The following MICALL2 variants were observed in gnomAD, a reference collection of about 807,000 sequenced individuals.
The protein encoded by MICALL2 is MICAL like 2.
Under a neutral mutation model 91.1 loss-of-function variants are expected in MICALL2, and 111 were observed. That is an observed-to-expected ratio of 1.22 (90% CI 1.04 to 1.43). The LOEUF is 1.43. Ranked by LOEUF, MICALL2 falls within the 40% of genes most tolerant of loss-of-function variation. The pLI is 0.00. For missense variants in MICALL2, 1,556 were observed against 1,236.0 expected, an observed-to-expected ratio of 1.26 and a Z score of -3.88; for synonymous variants, 694 against 525.3, an observed-to-expected ratio of 1.32 and a Z score of -4.39.
intron 8 of MICALL2, 178 bp downstream of exon 8, chr7:1,440,413 C>G (rs1780224480): frequency 1.5e-6 from 1 of 669,338 alleles, no homozygotes; most frequent in Admixed American, 2.4e-5. Flanking sequence ...CAACGCTGCC[C>G]CCAAACCAGG....
At chr7:1,446,363 G>A (rs112577755) in intron 5 of MICALL2, among the ~76,000 whole-genome samples, 361 of 878 alleles carry the variant, frequency 0.41, 5 homozygotes, top group Middle Eastern at 0.5. Context: ...GGAGGGAGAG[G>A]AGGGGGGAGG....
In MICALL2 at chr7:1,444,754, G is replaced by C. The variant is rs765915317; in HGVS notation, c.1316C>G (p.Pro439Arg). 38 of 1,612,298 alleles carry C rather than the reference G, an allele frequency of 2.4e-5. No individual in the cohort carries two copies. The highest frequency in any genetic ancestry group is 3.1e-5 in the Non-Finnish European group (37 of 1,179,794). ...GCTGTCCTTGGATAGAACAAGTGAC[G>C]GGGTGGGACCTCTGCCAGAAAGGCT... is the stretch of plus-strand genomic sequence containing the variant. ...GTSLSGRGPT[P>R]SLVLSKDSSK... The change falls in exon 6 of 17, where the codon CCG becomes CGG. Residue 439 changes from proline (P) to arginine (R), a missense_variant. By Grantham distance (103) the Pro-to-Arg change is moderately radical. Transcript: ENST00000297508.
Position 1,442,499 on chromosome 7 carries a change from G to A in MICALL2, c.1419-15C>T, listed in dbSNP as rs200951225. Reference sequence around the variant, plus strand: ...CTGGGGAGGGCCTATAAGTAAAAGCGCAGGCATCAGGCACAGCTGGATCCA... The same window carrying A: ...CTGGGGAGGGCCTATAAGTAAAAGCACAGGCATCAGGCACAGCTGGATCCA... On this transcript the variant is annotated splice_polypyrimidine_tract_variant and intron_variant, in intron 6 of 16. Transcript: ENST00000297508. The A allele has an allele frequency of 7.3e-4, 1,104 of 1,519,496 alleles. 2 individuals carry two copies. The highest frequency in any genetic ancestry group is 8.6e-4 in the Non-Finnish European group (978 of 1,134,056). 94.1% of individuals were successfully genotyped at this position (1,519,496 alleles called of 1,614,324 possible). A position where few individuals can be genotyped will look rare whatever the true frequency, so the allele number is the denominator to read the frequency against.
chr7:1,452,491 C>G lies in MICALL2; in HGVS notation c.144-2203G>C, dbSNP rs745809767. 1.3e-5 allele frequency among the ~76,000 whole-genome samples: 2 copies of G among 152,178 alleles called. No individual in the cohort carries two copies. Among genetic ancestry groups the G allele is most frequent in the Non-Finnish European group, 2.9e-5 (2 of 68,024 alleles). ...TGCAGACCTTCCCTAGGGTCACTGA[C>G]CAAAGCGGCCATGTCCCCGGAAAGA... On this transcript the variant is annotated intron_variant, in intron 1 of 16. Coordinates refer to ENST00000297508, the MANE Select transcript of MICALL2 (RefSeq NM_182924.4). This position sits in a 1 kb window ranked among gnomAD's most constrained non-coding sequence, Gnocchi z 6.2.
rs1562453042 is a variant in MICALL2 at position 1,440,855 on chromosome 7, G to C, written c.1712-171C>G. On this transcript the variant is annotated intron_variant, in intron 7 of 16. Coordinates refer to ENST00000297508, the MANE Select transcript of MICALL2 (RefSeq NM_182924.4). ...GAGCACCGGGCAGGGAGTCAGGGGA[G>C]GGGCTCCCAGCTGGCTCTCCTGTGC... 4.9e-6 allele frequency: 3 copies of C among 611,840 alleles called. No homozygotes were observed. In the Admixed American group the frequency reaches 7.5e-5, roughly 15 times the overall value. 37.9% of individuals were successfully genotyped at this position (611,840 alleles called of 1,614,324 possible).
chr7:1,436,493 C>T (rs1451215023), intron 15 of MICALL2, among the ~76,000 whole-genome samples: 1 of 147,040 alleles, frequency 6.8e-6, no homozygotes, highest in African/African-American at 2.6e-5. Context: ...GGACAGGTTG[C>T]AGTGAGCCAA....
chr7:1,434,376 G>A lies in MICALL2; in HGVS notation c.*220C>T, dbSNP rs1171956985. 13 of 667,534 alleles carry A rather than the reference G, an allele frequency of 1.9e-5. No individual in the cohort carries two copies. The highest frequency in any genetic ancestry group is 3.0e-5 in the Non-Finnish European group (11 of 363,022). The allele number at this position is 667,534 out of a possible 1,614,324, so 41.4% of individuals were successfully genotyped here. On this transcript the variant is annotated 3_prime_UTR_variant, in exon 17 of 17. Transcript: ENST00000297508. ...CGTAGGAGTCCGGGGCCATGTGGTC[G>A]GTTTCTTTATTGAGACCACAGACGG... is the stretch of plus-strand genomic sequence containing the variant.
At chr7:1,434,862 G>A (rs1018004061) in intron 16 of MICALL2, 190 bp from the exon 17 acceptor site, 1 of 728,036 alleles carries the variant, frequency 1.4e-6, no homozygotes, top group Non-Finnish European at 2.2e-6. Context: ...CGGAGGGCTG[G>A]TCCCCACCAT....
At chr7:1,438,256 T>TG in intron 11 of MICALL2, 33 bp downstream of exon 11, 1 of 1,588,344 alleles carries the variant, frequency 6.3e-7, no homozygotes, top group East Asian at 2.3e-5. Context: ...GCCGGAGGGC[T>TG]GGGCCCCTGC....
At position 1,444,703 on chromosome 7, in the gene MICALL2, A is replaced by C; in HGVS notation, c.1367T>G (p.Leu456Arg). The C allele has an allele frequency of 6.2e-7, 1 of 1,612,306 alleles. No homozygotes were observed. ...DSSKEQARNF[L>R]KQALSALEEA... ...TTCCAGCGCTGAGAGGGCCTGCTTG[A>C]GGAAGTTCCGCGCCTGCTCCTTGCT... The change falls in exon 6 of 17, where the codon CTC (leucine) becomes CGC (arginine). Residue 456 changes from leucine (L) to arginine (R), a missense_variant. Coordinates refer to ENST00000297508, the MANE Select transcript of MICALL2 (RefSeq NM_182924.4).
intron 14 of MICALL2, 151 bp downstream of exon 14, chr7:1,437,384 G>A (rs542574503): frequency 3.2e-5 from 19 of 588,186 alleles, no homozygotes; most frequent in African/African-American, 8.2e-5. Context: ...CAGGAGGTGG[G>A]AGATTTGAAA....
chr7:1,435,996 G>A (rs990533121), intron 15 of MICALL2, among the ~76,000 whole-genome samples: 7 of 137,178 alleles, frequency 5.1e-5, no homozygotes, highest in Non-Finnish European at 1.1e-4. Context: ...AGCTTGCAGT[G>A]AGCCGAGATT....
chr7:1,434,777 A>G (rs1584189828), intron 16 of MICALL2, 105 bp from the exon 17 acceptor site: 1 of 1,233,442 alleles, frequency 8.1e-7, no homozygotes, highest in Non-Finnish European at 1.1e-6. Context: ...CACTGGCCAC[A>G]ATCCGCCCTG....
At chr7:1,447,787 C>G (rs763315093) in intron 3 of MICALL2, 22 bp from the exon 4 acceptor site, 1 of 1,489,438 alleles carries the variant, frequency 6.7e-7, no homozygotes, top group African/African-American at 1.4e-5. Context: ...AAGCAGGGAT[C>G]GGGAGGGTCC....
intron 8 of MICALL2, 48 bp downstream of exon 8, chr7:1,440,543 A>C (rs1162761845): frequency 6.7e-7 from 1 of 1,501,938 alleles, no homozygotes; most frequent in Non-Finnish European, 9.3e-7. Context: ...GCATTTATTA[A>C]GCACCTATGG....
chr7:1,437,652 T>TCCCCCGCCTGGCCCGCCCAGC (rs1562446437), intron 13 of MICALL2, 44 bp from the exon 14 acceptor site: 1 of 1,522,210 alleles, frequency 6.6e-7, no homozygotes, highest in Non-Finnish European at 8.8e-7. Context: ...TGCCGCCCTG[T>TCCCCCGCCTGGCCCGCCCAGC]CCCCCGCCTG....
Position 1,439,002 on chromosome 7 carries a change from C to A in MICALL2, c.1967-7G>T, listed in dbSNP as rs771116866. 1.3e-6 allele frequency: 2 copies of A among 1,588,754 alleles called. No homozygotes were observed. Among genetic ancestry groups the A allele is most frequent in the East Asian group, 2.2e-5 (1 of 44,612 alleles). ...GGTGGGGAGGGGGACCTGGCTGCCC[C>A]CAGGTGGGGAGACAGAGCCACGCTT... On this transcript the variant is annotated splice_region_variant and splice_polypyrimidine_tract_variant and intron_variant, in intron 9 of 16. Transcript: ENST00000297508.
intron 1 of MICALL2, among the ~76,000 whole-genome samples, chr7:1,455,258 G>A (rs1034307287): frequency 4.6e-5 from 7 of 152,234 alleles, no homozygotes; most frequent in Non-Finnish European, 8.8e-5. Flanking sequence ...CTCCAGCCCC[G>A]ACAGGCTGAC....
intron 1 of MICALL2, 52 bp from the exon 2 acceptor site, chr7:1,450,340 G>A: frequency 6.7e-7 from 1 of 1,485,094 alleles, no homozygotes; most frequent in Non-Finnish European, 9.4e-7. Context: ...ACGAAGGGAG[G>A]GGCTGGAGGG....
Sources: allele counts gnomAD v4.1 joint callset (sites outside exome capture counted in the v4.1 genomes callset), GRCh38; gene constraint gnomAD v4.1.1; non-coding constraint Gnocchi (gnomAD v3.1); transcripts MANE v1.5; gene names NCBI Gene and HGNC (gene_info 2026-07-23, HGNC 2026-07-21).